Variants in NKIRAS2 observed in about 807,000 individuals in gnomAD.
The protein encoded by NKIRAS2 is NFKB inhibitor interacting Ras like 2.
Under a neutral mutation model 20.7 loss-of-function variants are expected in NKIRAS2, and 15 were observed. The observed-to-expected ratio is 0.73, with a 90% confidence interval of 0.49 to 1.12. The LOEUF (loss-of-function observed/expected upper bound fraction) is 1.12, where lower values mean the gene tolerates loss of function less well. Ranked by LOEUF, NKIRAS2 falls within the 50% of genes most tolerant of loss-of-function variation. The pLI is 0.00. For missense variants in NKIRAS2, 196 were observed against 249.6 expected, an observed-to-expected ratio of 0.79 and a Z score of 1.45; for synonymous variants, 116 against 101.4, an observed-to-expected ratio of 1.14 and a Z score of -0.87.
Position 42,023,643 on chromosome 17 carries a change from C to G in NKIRAS2, c.337-11C>G. 6.2e-7 allele frequency: 1 copy of G among 1,613,080 alleles called. No homozygotes were observed. The highest frequency in any genetic ancestry group is 8.5e-7 in the Non-Finnish European group (1 of 1,179,354). Reference sequence around the variant, plus strand: ...ACATTCACAGGCCTATGCTCTGTCCCTCTTCCCCAGGTCACCATCGTGGTC... The same window carrying G: ...ACATTCACAGGCCTATGCTCTGTCCGTCTTCCCCAGGTCACCATCGTGGTC... On this transcript the variant is annotated splice_polypyrimidine_tract_variant and intron_variant, in intron 3 of 3. Coordinates refer to ENST00000393885, the MANE Select transcript of NKIRAS2 (RefSeq NM_017595.6).
chr17:42,021,716 A>C, intron 2 of NKIRAS2, 45 bp downstream of exon 2: 1 of 1,542,248 alleles, frequency 6.5e-7, no homozygotes, highest in Non-Finnish European at 9.0e-7. Context: ...AAGTTGAAAA[A>C]TAAGGAATAG....
chr17:42,017,594 C>T (rs565075713), upstream of NKIRAS2: 1,494 of 764,032 alleles, frequency 2.0e-3, 1 homozygote, highest in Non-Finnish European at 2.8e-3. Context: ...ACGGTGGTCT[C>T]CGCGCCGGGG....
In NKIRAS2 at chr17:42,023,882, T is replaced by C. The variant is rs1555653663; in HGVS notation, c.565T>C (p.Leu189=). 6.2e-7 allele frequency: 1 copy of C among 1,614,112 alleles called. No individual in the cohort carries two copies. The highest frequency in any genetic ancestry group is 8.5e-7 in the Non-Finnish European group (1 of 1,179,998). Reference sequence around the variant, plus strand: ...CCGGAAGAACAAGGGCAGCGGCTCCTTGGATGGCTGAAGAGCTGCCGTTCC... The same window carrying C: ...CCGGAAGAACAAGGGCAGCGGCTCCCTGGATGGCTGAAGAGCTGCCGTTCC... ...LSRKNKGSGS[L]DG is the part of the protein sequence containing the mutation. Residue 189 remains leucine (L), a synonymous_variant, in exon 4 of 4, where the codon TTG becomes CTG. Coordinates refer to ENST00000393885, the MANE Select transcript of NKIRAS2 (RefSeq NM_017595.6).
At chr17:42,018,731 A>T (rs75777805), upstream of NKIRAS2, among the ~76,000 whole-genome samples, 3,454 of 152,262 alleles carry the variant, frequency 0.023, 135 homozygotes, top group African/African-American at 0.079. Context: ...TGTTCTATCT[A>T]AGGCAACTCA....
intron 2 of NKIRAS2, 171 bp downstream of exon 2, chr17:42,021,842 GAAAGCCC>G: frequency 1.3e-6 from 1 of 763,544 alleles, no homozygotes; most frequent in Non-Finnish European, 2.4e-6. Context: ...TACGGAGGGA[GAAAGCCC>G]TATGTCCAAG....
intron 2 of NKIRAS2, chr17:42,022,124 G>A: frequency 4.4e-6 from 2 of 452,362 alleles, no homozygotes; most frequent in South Asian, 2.0e-5. Flanking sequence ...CAGGAGAATC[G>A]CTTGAACTCG....
In NKIRAS2 at chr17:42,022,604, C is replaced by T; in HGVS notation, c.300C>T (p.Leu100=). ...SRESFQRVEL[L]KKEIDKSKDK... is the part of the protein sequence containing the mutation. ...AGTCTTTTCAGCGTGTGGAGCTGCTCAAGAAGGAGATTGACAAATCCAAGG... is the reference window on the plus strand; with the variant it reads ...AGTCTTTTCAGCGTGTGGAGCTGCTTAAGAAGGAGATTGACAAATCCAAGG... Residue 100 remains leucine (L), a synonymous_variant, in exon 3 of 4, where the codon CTC becomes CTT. Transcript: ENST00000393885. 6.2e-7 allele frequency: 1 copy of T among 1,613,750 alleles called. No individual in the cohort carries two copies. The highest frequency in any genetic ancestry group is 1.3e-5 in the African/African-American group (1 of 74,998).
chr17:42,022,070 G>C (rs2052466043), intron 2 of NKIRAS2: 1 of 436,534 alleles, frequency 2.3e-6, no homozygotes, highest in Non-Finnish European at 4.4e-6. Flanking sequence ...TTAGCCGGGT[G>C]TGGTGGCACA....
In NKIRAS2 at chr17:42,024,397, C is replaced by T. The variant is rs1171753780; in HGVS notation, c.*504C>T. 9 of 160,998 alleles carry T rather than the reference C, an allele frequency of 5.6e-5. No homozygotes were observed. Among genetic ancestry groups the T allele is most frequent in the African/African-American group, 1.9e-4 (8 of 41,560 alleles). 10.0% of individuals were successfully genotyped at this position (160,998 alleles called of 1,614,324 possible). ...CCTATACTGGCATTAGGCGTCTCCT[C>T]ATCCCTCACCCTGACCTTTCTCCTG... is the stretch of plus-strand genomic sequence containing the variant. On this transcript the variant is annotated 3_prime_UTR_variant, in exon 4 of 4. Transcript: ENST00000393885.
At chr17:42,018,513 A>G (rs1555652414), upstream of NKIRAS2, 1 of 152,182 alleles carries the variant, frequency 6.6e-6, no homozygotes, top group East Asian at 1.9e-4. Context: ...CTGAAACCAC[A>G]GCGACCACTG....
chr17:42,020,135 G>C lies in NKIRAS2; in HGVS notation c.-84G>C, dbSNP rs1555652757. 1 of 152,404 alleles carries C rather than the reference G, an allele frequency of 6.6e-6. No homozygotes were observed. Among genetic ancestry groups the C allele is most frequent in the East Asian group, 1.9e-4 (1 of 5,192 alleles). 9.4% of individuals were successfully genotyped at this position (152,404 alleles called of 1,614,324 possible). ...TCTGGAGGAAGACTGGAGCCTTTGC[G>C]GCGGCGCTGCCCCTCCCCTGGTCCC... On this transcript the variant is annotated 5_prime_UTR_variant, in exon 1 of 4. Transcript: ENST00000393885.
chr17:42,020,669 A>T (rs2052422871), intron 1 of NKIRAS2: 1 of 151,944 alleles, frequency 6.6e-6, no homozygotes, highest in African/African-American at 2.4e-5. Context: ...TCTTATGTTC[A>T]TTTTAGCCAT....
At position 42,024,083 on chromosome 17, in the gene NKIRAS2, C is replaced by A; in HGVS notation, c.*190C>A. 1.2e-6 allele frequency: 1 copy of A among 806,842 alleles called. No individual in the cohort carries two copies. The highest frequency in any genetic ancestry group is 3.0e-5 in the Admixed American group (1 of 33,218). 50.0% of individuals were successfully genotyped at this position (806,842 alleles called of 1,614,324 possible). A position where few individuals can be genotyped will look rare whatever the true frequency, so the allele number is the denominator to read the frequency against. ...TGCAAATACTCTTGGTTGACATCCC[C>A]TTCCTCAGCCCTCCCAGCCTACTCC... On this transcript the variant is annotated 3_prime_UTR_variant, in exon 4 of 4. Coordinates refer to ENST00000393885, the MANE Select transcript of NKIRAS2 (RefSeq NM_017595.6).
Position 42,021,650 on chromosome 17 carries a change from C to T in NKIRAS2, c.73C>T (p.Leu25=), listed in dbSNP as rs768723578. Residue 25 remains leucine (L), a synonymous_variant, in exon 2 of 4, where the codon CTG becomes TTG. Transcript: ENST00000393885. ...VGKTSILEQL[L]YGNHVVGSEM... is the part of the protein sequence containing the mutation. The stretch of plus-strand genomic sequence containing the variant: ...CAAAACTTCAATCCTGGAGCAGCTT[C>T]TGTATGGGAACCATGTAGTGGGTGA... 6.2e-7 allele frequency: 1 copy of T among 1,614,102 alleles called. No homozygotes were observed. The highest frequency in any genetic ancestry group is 2.2e-5 in the East Asian group (1 of 44,880).
chr17:42,022,412 C>G lies in NKIRAS2; in HGVS notation c.108C>G (p.Ile36Met). ...YGNHVVGSEM[I>M]ETQEDIYVGS... ...ATTTTATACCAGGTTCGGAGATGATCGAGACGCAGGAGGACATCTACGTGG... is the reference window on the plus strand; with the variant it reads ...ATTTTATACCAGGTTCGGAGATGATGGAGACGCAGGAGGACATCTACGTGG... The change falls in exon 3 of 4, where the codon ATC becomes ATG. Residue 36 changes from isoleucine to methionine, a missense_variant. Physicochemically the swap from Ile to Met is conservative, Grantham distance 10 (BLOSUM62 1). Coordinates refer to ENST00000393885, the MANE Select transcript of NKIRAS2 (RefSeq NM_017595.6). 1 of 1,585,160 alleles carries G rather than the reference C, an allele frequency of 6.3e-7. No homozygotes were observed.
intron 1 of NKIRAS2, 94 bp from the exon 2 acceptor site, chr17:42,021,470 T>G: frequency 9.3e-7 from 1 of 1,074,242 alleles, no homozygotes; most frequent in Non-Finnish European, 1.4e-6. Context: ...TTTTTGGTTT[T>G]TGTTTTTGTC....
In NKIRAS2 at chr17:42,024,105, C is replaced by G. The variant is rs781810509; in HGVS notation, c.*212C>G. 6.6e-5 allele frequency: 44 copies of G among 661,936 alleles called. No individual in the cohort carries two copies. Among genetic ancestry groups the G allele is most frequent in the Non-Finnish European group, 9.3e-5 (38 of 407,430 alleles). 41.0% of individuals were successfully genotyped at this position (661,936 alleles called of 1,614,324 possible). On this transcript the variant is annotated 3_prime_UTR_variant, in exon 4 of 4. Coordinates refer to ENST00000393885, the MANE Select transcript of NKIRAS2 (RefSeq NM_017595.6). ...CCCCTTCCTCAGCCCTCCCAGCCTA[C>G]TCCCCATCCCAGCTTTTAGAGGATC...
intron 3 of NKIRAS2, among the ~76,000 whole-genome samples, chr17:42,022,850 G>A (rs1471729312): frequency 7.9e-5 from 12 of 152,082 alleles, no homozygotes; most frequent in African/African-American, 2.7e-4. Flanking sequence ...GGTTTAAGGG[G>A]TCCCTGACCT....
intron 2 of NKIRAS2, 103 bp downstream of exon 2, chr17:42,021,774 C>A: frequency 1.9e-6 from 2 of 1,072,496 alleles, no homozygotes; most frequent in Non-Finnish European, 2.9e-6. Context: ...TGGTGGTTTT[C>A]CCCCCTGGAA....
Sources: gnomAD v4.1 joint callset for allele counts (sites outside exome capture counted in the v4.1 genomes callset) on GRCh38, gnomAD v4.1.1 for gene constraint, MANE v1.5 for transcripts, NCBI Gene and HGNC (gene_info 2026-07-23, HGNC 2026-07-21) for gene names.